The following NEDD4L variants were observed in gnomAD, a reference collection of about 807,000 sequenced individuals.
NEDD4L encodes E3 ubiquitin-protein ligase NEDD4-like.
In NEDD4L, 54 loss-of-function variants were observed where a neutral mutation model predicts 148.9. That is an observed-to-expected ratio of 0.36 (90% CI 0.29 to 0.45). The LOEUF (loss-of-function observed/expected upper bound fraction) is 0.45. Ranked by LOEUF, NEDD4L falls within the 20% of genes least tolerant of loss-of-function variation. The probability of loss-of-function intolerance (pLI) is 1.00; values close to 1 mark genes in which losing one functional copy is unlikely to be tolerated. For missense variants in NEDD4L, 856 were observed against 1,233.8 expected, an observed-to-expected ratio of 0.69 and a Z score of 4.59; for synonymous variants, 433 against 440.7, an observed-to-expected ratio of 0.98 and a Z score of 0.22.
At chr18:58,101,804 A>G (rs2084768336) in intron 1 of NEDD4L, among the ~76,000 whole-genome samples, 1 of 152,130 alleles carries the variant, frequency 6.6e-6, no homozygotes, top group Admixed American at 6.6e-5. Flanking sequence ...GTAAACCAAG[A>G]GAGAGAATGA....
intron 5 of NEDD4L, among the ~76,000 whole-genome samples, chr18:58,302,479 C>T (rs1369899038): frequency 6.6e-6 from 1 of 152,222 alleles, no homozygotes; most frequent in African/African-American, 2.4e-5. Flanking sequence ...ACACTGAACT[C>T]TGCAACACAA....
chr18:58,287,872 G>A (rs1052149935), intron 5 of NEDD4L, among the ~76,000 whole-genome samples: 3 of 152,106 alleles, frequency 2.0e-5, no homozygotes, highest in Non-Finnish European at 2.9e-5. Flanking sequence ...AACAGAGGGT[G>A]GGGCAGATTC....
At chr18:58,090,001 G>A (rs1419589173) in intron 1 of NEDD4L, among the ~76,000 whole-genome samples, 1 of 151,954 alleles carries the variant, frequency 6.6e-6, no homozygotes, top group Non-Finnish European at 1.5e-5. Context: ...CACCACGCCC[G>A]GCTAATTTTT....
At chr18:58,165,407 A>C (rs889961708) in intron 1 of NEDD4L, among the ~76,000 whole-genome samples, 1 of 152,208 alleles carries the variant, frequency 6.6e-6, no homozygotes, top group Non-Finnish European at 1.5e-5. Context: ...GTCAACTTCA[A>C]AGGAGGAATT....
intron 1 of NEDD4L, among the ~76,000 whole-genome samples, chr18:58,060,918 C>T (rs1337730320): frequency 6.6e-6 from 1 of 152,112 alleles, no homozygotes; most frequent in South Asian, 2.1e-4. Flanking sequence ...GCCACCACAC[C>T]CAGCTAATTG....
intron 2 of NEDD4L, among the ~76,000 whole-genome samples, chr18:58,229,943 C>T (rs1008345895): frequency 2.6e-5 from 4 of 151,994 alleles, no homozygotes; most frequent in African/African-American, 9.7e-5. Flanking sequence ...GAGCCGAGAT[C>T]GTGCCACTGC....
chr18:58,390,537 A>G (rs1355600235), intron 28 of NEDD4L, 109 bp from the exon 29 acceptor site: 1 of 698,884 alleles, frequency 1.4e-6, no homozygotes, highest in African/African-American at 1.8e-5. Context: ...TCAACTGTCT[A>G]GGTCTTACAT....
chr18:58,146,489 G>A (rs939936539), intron 1 of NEDD4L, among the ~76,000 whole-genome samples: 2 of 152,122 alleles, frequency 1.3e-5, no homozygotes, highest in East Asian at 1.9e-4. Context: ...GGTGTCCAGC[G>A]ACCAGCCAAG....
At chr18:58,324,948 C>T (rs765922122) in intron 8 of NEDD4L, 48 bp from the exon 9 acceptor site, 31 of 1,561,164 alleles carry the variant, frequency 2.0e-5, no homozygotes, top group East Asian at 1.8e-4. Flanking sequence ...CTCTTACTCA[C>T]AGCCGAAGAA....
chr18:58,089,190 G>T lies in NEDD4L; in HGVS notation c.48+44482G>T, dbSNP rs144959765. Among the ~76,000 whole-genome samples the T allele has an allele frequency of 3.5e-4, 48 of 136,090 alleles. 1 individual carries two copies. The East Asian group carries it at 8.9e-3, about 25-fold the overall frequency. 89.3% of individuals were successfully genotyped at this position (136,090 alleles called of 152,430 possible). On this transcript the variant is annotated intron_variant, in intron 1 of 30. Transcript: ENST00000400345. ...GCTCTGTCACCCAGGCTGGAGTACA[G>T]TGGCACAATCTCAGTTCAGTGCAAC...
intron 5 of NEDD4L, among the ~76,000 whole-genome samples, chr18:58,313,993 G>A (rs1178271718): frequency 1.3e-5 from 2 of 152,220 alleles, no homozygotes; most frequent in Non-Finnish European, 2.9e-5. Flanking sequence ...AGCAGCCATA[G>A]CAGGAGGAGG....
chr18:58,203,715 T>C (rs1012765448), intron 2 of NEDD4L, among the ~76,000 whole-genome samples: 2 of 152,054 alleles, frequency 1.3e-5, no homozygotes, highest in Admixed American at 6.5e-5. Context: ...TTTTTTTACT[T>C]TTTATATAAT....
chr18:58,047,464 G>T, intron 1 of NEDD4L: 1 of 985,470 alleles, frequency 1.0e-6, no homozygotes, highest in Non-Finnish European at 1.2e-6. Context: ...CAGGGCTTAG[G>T]TGCTGTTCCT....
intron 24 of NEDD4L, among the ~76,000 whole-genome samples, chr18:58,377,981 G>C (rs1423842815): frequency 6.6e-6 from 1 of 152,166 alleles, no homozygotes; most frequent in Non-Finnish European, 1.5e-5. Context: ...CTGGCCTCAA[G>C]TGATCTGCCC....
intron 2 of NEDD4L, among the ~76,000 whole-genome samples, chr18:58,235,216 A>G (rs1179061028): frequency 6.6e-6 from 1 of 151,852 alleles, no homozygotes; most frequent in East Asian, 1.9e-4. Flanking sequence ...CCACCATTCA[A>G]TTTACTGTCT....
At chr18:58,361,972 A>G (rs2045547478) in intron 19 of NEDD4L, among the ~76,000 whole-genome samples, 1 of 152,220 alleles carries the variant, frequency 6.6e-6, no homozygotes, top group Non-Finnish European at 1.5e-5. Flanking sequence ...AGTTTTCAGG[A>G]AGAGAATGTA....
intron 2 of NEDD4L, among the ~76,000 whole-genome samples, chr18:58,223,973 A>G (rs1037792920): frequency 6.6e-6 from 1 of 152,058 alleles, no homozygotes; most frequent in Non-Finnish European, 1.5e-5. Flanking sequence ...GGGCAGTGGG[A>G]TGTGGGCAGG....
intron 2 of NEDD4L, among the ~76,000 whole-genome samples, chr18:58,235,351 T>C (rs2045887157): frequency 6.6e-6 from 1 of 152,146 alleles, no homozygotes; most frequent in African/African-American, 2.4e-5. Context: ...TGGACACACA[T>C]AGGTGCTCAG....
intron 1 of NEDD4L, chr18:58,047,385 A>G: frequency 2.0e-6 from 2 of 985,218 alleles, no homozygotes; most frequent in Middle Eastern, 5.2e-4. Context: ...TCTCATAAAG[A>G]CTGTTGAGCT....
Sources: gnomAD v4.1 joint callset for allele counts (sites outside exome capture counted in the v4.1 genomes callset) on GRCh38, gnomAD v4.1.1 for gene constraint, MANE v1.5 for transcripts, NCBI Gene and HGNC (gene_info 2026-07-23, HGNC 2026-07-21) for gene names.